The following NFIB variants were observed in gnomAD, a reference collection of about 807,000 sequenced individuals.
NFIB encodes the protein nuclear factor 1 B-type.
A neutral mutation model predicts 61.5 loss-of-function variants in NFIB; 11 were observed. The ratio of observed to expected loss-of-function variants is 0.18; its 90% CI spans 0.11 to 0.30. The LOEUF is 0.30. Among genes scored for constraint, NFIB ranks in the 10% least tolerant of loss-of-function variants. The pLI, the probability that NFIB is intolerant of heterozygous loss-of-function variation, is 1.00. For synonymous variants in NFIB, 260 were observed against 216.5 expected (o/e 1.20, Z -1.76); for missense variants, 471 against 608.9 (o/e 0.77, Z 2.38).
rs1237778412 is a variant in NFIB, at chr9:14,313,423, A to G, written c.30+59T>C. 6.8e-6 allele frequency: 11 copies of G among 1,612,240 alleles called. No individual in the cohort carries two copies. The Admixed American group carries it at 1.8e-4, about 27-fold the overall frequency. ...CAAGCCGCTAATTGTCCGCAACAAA[A>G]CAAAACAAAGGCATTTCGGGCCAGA... On this transcript the variant is annotated intron_variant, in intron 1 of 10. Coordinates refer to ENST00000380953, the MANE Select transcript of NFIB (RefSeq NM_001190737.2). The surrounding 1 kb of genome is among the most constrained non-coding windows in gnomAD (Gnocchi z 4.5).
At chr9:14,149,764 T>C (rs1176104670) in intron 5 of NFIB, among the ~76,000 whole-genome samples, 2 of 152,180 alleles carry the variant, frequency 1.3e-5, no homozygotes, top group Non-Finnish European at 2.9e-5. Context: ...TAAGCTTAGA[T>C]GTAATATTTG....
chr9:14,345,595 C>A (rs192592575), intron 1 of NFIB, among the ~76,000 whole-genome samples: 2 of 152,170 alleles, frequency 1.3e-5, no homozygotes, highest in African/African-American at 4.8e-5. Flanking sequence ...AAATCAGAGC[C>A]GTGCTTCTGC....
chr9:14,181,035 G>A (rs2046710438), intron 2 of NFIB, among the ~76,000 whole-genome samples: 1 of 152,188 alleles, frequency 6.6e-6, no homozygotes, highest in South Asian at 2.1e-4. Flanking sequence ...AAAATCATAT[G>A]CTGGTTTTTT....
intron 4 of NFIB, among the ~76,000 whole-genome samples, chr9:14,151,582 T>G (rs2042877859): frequency 1.3e-5 from 2 of 152,082 alleles, no homozygotes. Flanking sequence ...CAATACCAGC[T>G]TGAATTGTCC....
intron 1 of NFIB, among the ~76,000 whole-genome samples, chr9:14,387,258 G>A (rs1198905665): frequency 6.6e-6 from 1 of 152,154 alleles, no homozygotes; most frequent in African/African-American, 2.4e-5. Flanking sequence ...GGGTTCAGAC[G>A]AGTGTTCTTT....
In NFIB at chr9:14,313,168, A is replaced by G. The variant is rs961036819; in HGVS notation, c.30+314T>C. ...GCACCCCGGGCGGGGATGCCGCACC[A>G]CAACGGGCACTTGAGGGGCCGCACG... On this transcript the variant is annotated intron_variant, in intron 1 of 10. Transcript: ENST00000380953. This position sits in a 1 kb window ranked among gnomAD's most constrained non-coding sequence, Gnocchi z 4.5. 5.3e-5 allele frequency among the ~76,000 whole-genome samples: 8 copies of G among 152,274 alleles called. No individual in the cohort carries two copies. The highest frequency in any genetic ancestry group is 1.7e-4 in the African/African-American group (7 of 41,578).
chr9:14,125,500 T>C, intron 7 of NFIB, 132 bp downstream of exon 7: 1 of 1,247,194 alleles, frequency 8.0e-7, no homozygotes, highest in Non-Finnish European at 1.1e-6. Context: ...TTGATCGGAT[T>C]GTGCCCCTCA....
the NFIB span, among the ~76,000 whole-genome samples, chr9:14,517,348 T>C: frequency 6.6e-6 from 1 of 152,224 alleles, no homozygotes; most frequent in Non-Finnish European, 1.5e-5. Context: ...AAGGCGTACC[T>C]GCTTTCTGTA....
chr9:14,169,951 AAAT>A (rs1393752843), intron 3 of NFIB, among the ~76,000 whole-genome samples: 6 of 152,254 alleles, frequency 3.9e-5, no homozygotes, highest in Non-Finnish European at 8.8e-5. Context: ...CAAGATCTTT[AAAT>A]CACATCCTTT....
At chr9:14,369,805 G>C (rs553421981) in intron 1 of NFIB, among the ~76,000 whole-genome samples, 17 of 152,112 alleles carry the variant, frequency 1.1e-4, no homozygotes, top group Non-Finnish European at 2.4e-4. Context: ...TCTTTGGCCT[G>C]ATATATTTGG....
chr9:14,233,946 T>G (rs889766977), intron 2 of NFIB, among the ~76,000 whole-genome samples: 18 of 152,212 alleles, frequency 1.2e-4, no homozygotes, highest in African/African-American at 3.6e-4. Context: ...TTAATTTATA[T>G]AACATCTTAC....
intron 2 of NFIB, among the ~76,000 whole-genome samples, chr9:14,232,043 T>A (rs1171806308): frequency 6.6e-6 from 1 of 152,186 alleles, no homozygotes; most frequent in Non-Finnish European, 1.5e-5. Flanking sequence ...TAAATCGCAG[T>A]CTCTTATCAG....
At chr9:14,290,845 G>A (rs2059045252) in intron 2 of NFIB, among the ~76,000 whole-genome samples, 1 of 151,954 alleles carries the variant, frequency 6.6e-6, no homozygotes, top group South Asian at 2.1e-4. Context: ...TAAATAACTT[G>A]CATGCATTCA....
the NFIB span, among the ~76,000 whole-genome samples, chr9:14,507,943 C>CACACAG: frequency 1.3e-5 from 2 of 149,750 alleles, no homozygotes; most frequent in South Asian, 2.2e-4. Context: ...GGCATAAACA[C>CACACAG]ACACAGACAC....
At chr9:14,314,346 C>A, upstream of NFIB, 2 of 163,384 alleles carry the variant, frequency 1.2e-5, no homozygotes, top group South Asian at 3.8e-4. Context: ...CCCGCCTCGC[C>A]CCGCGTCTGA....
chr9:14,289,122 G>GTATATATA (rs60051220), intron 2 of NFIB, among the ~76,000 whole-genome samples: 90 of 139,904 alleles, frequency 6.4e-4, no homozygotes, highest in African/African-American at 2.0e-3. Context: ...GTGTGTATAT[G>GTATATATA]TATATATATA....
rs573196250 is a variant in NFIB at position 14,241,926 on chromosome 9, A to T, written c.563-62146T>A. Among the ~76,000 whole-genome samples, 9 of 152,320 alleles carry T rather than the reference A, an allele frequency of 5.9e-5. No homozygotes were observed. In the East Asian group the frequency reaches 1.7e-3, roughly 29 times the overall value. On this transcript the variant is annotated intron_variant, in intron 2 of 10. Transcript: ENST00000380953. ...ACTCTAGATTCTTTATATACATAAG[A>T]TCACAAGACAAGAAATGGTCATTTA...
In NFIB at chr9:14,194,677, A is replaced by T. The variant is rs578173056; in HGVS notation, c.563-14897T>A. ...AATAGATAATTCAATTAAAGCCAAG[A>T]TAAAACAAATGAGATACATTATACT... On this transcript the variant is annotated intron_variant, in intron 2 of 10. Transcript: ENST00000380953. Among the ~76,000 whole-genome samples, 93 of 152,296 alleles carry T rather than the reference A, an allele frequency of 6.1e-4. 1 individual carries two copies. The highest frequency in any genetic ancestry group is 1.7e-3 in the Admixed American group (26 of 15,292).
intron 2 of NFIB, among the ~76,000 whole-genome samples, chr9:14,253,086 T>C (rs2055836435): frequency 6.6e-6 from 1 of 152,226 alleles, no homozygotes; most frequent in East Asian, 1.9e-4. Flanking sequence ...GAAGAAAGTT[T>C]AAGCAGATCT....
Sources: allele counts gnomAD v4.1 joint callset (sites outside exome capture counted in the v4.1 genomes callset), GRCh38; gene constraint gnomAD v4.1.1; non-coding constraint Gnocchi (gnomAD v3.1); transcripts MANE v1.5; gene names NCBI Gene and HGNC (gene_info 2026-07-23, HGNC 2026-07-21).